PCDH15: variants seen among roughly 807,000 people sequenced by gnomAD.
The protein encoded by PCDH15 is protocadherin related 15, also known as protocadherin-15.
A neutral mutation model predicts 178.5 loss-of-function variants in PCDH15; 129 were observed. That is an observed-to-expected ratio of 0.72 (90% confidence interval 0.63 to 0.84). PCDH15 has a LOEUF of 0.84. Ranked by LOEUF, PCDH15 falls within the 40% of genes least tolerant of loss-of-function variation. The probability of loss-of-function intolerance (pLI) is 0.00; values close to 1 mark genes in which losing one functional copy is unlikely to be tolerated. For missense variants in PCDH15, 2,230 were observed against 2,099.9 expected (o/e 1.06, Z -1.21); for synonymous variants, 800 against 732.0 (o/e 1.09, Z -1.50).
At chr10:54,442,640 AAAG>A (rs1335313808) in intron 3 of PCDH15, among the ~76,000 whole-genome samples, 1 of 150,380 alleles carries the variant, frequency 6.6e-6, no homozygotes, top group African/African-American at 2.4e-5. Context: ...CATTTTAAGA[AAAG>A]AAATATTTAT....
intron 2 of PCDH15, among the ~76,000 whole-genome samples, chr10:55,535,385 T>G (rs1483301189): frequency 1.3e-5 from 2 of 152,062 alleles, no homozygotes; most frequent in Non-Finnish European, 2.9e-5. Context: ...AAGCCTCTAC[T>G]AGGGCAACAA....
intron 1 of PCDH15, among the ~76,000 whole-genome samples, chr10:55,258,596 G>C (rs1045749926): frequency 1.3e-5 from 2 of 152,024 alleles, no homozygotes; most frequent in African/African-American, 4.8e-5. Flanking sequence ...GACCCATATG[G>C]AAGATTCAGT....
chr10:54,312,736 TAA>T (rs1399117293), intron 8 of PCDH15, among the ~76,000 whole-genome samples: 2 of 152,078 alleles, frequency 1.3e-5, no homozygotes, highest in African/African-American at 4.8e-5. Flanking sequence ...AGCCCTCAGT[TAA>T]AGTGCCACAG....
chr10:54,239,287 A>T (rs756794399), intron 8 of PCDH15, among the ~76,000 whole-genome samples: 3 of 152,008 alleles, frequency 2.0e-5, no homozygotes, highest in African/African-American at 7.2e-5. Flanking sequence ...GAAATGAGCA[A>T]CATAATTTAT....
intron 2 of PCDH15, among the ~76,000 whole-genome samples, chr10:55,594,843 G>A (rs1018155667): frequency 2.6e-5 from 4 of 152,028 alleles, no homozygotes; most frequent in Admixed American, 2.6e-4. Context: ...CTGGTGATGT[G>A]ACAAGAAAGG....
At position 53,802,983 on chromosome 10, in the gene PCDH15, C is replaced by T. The variant is rs1018457062; in HGVS notation, c.*3596G>A. 4.0e-5 allele frequency: 6 copies of T among 151,422 alleles called. No individual in the cohort carries two copies. Among genetic ancestry groups the T allele is most frequent in the African/African-American group, 1.5e-4 (6 of 41,278 alleles). The allele number at this position is 151,422 out of a possible 1,614,324, so 9.4% of individuals were successfully genotyped here. ...ATCTTCCATACATGTGCTTAACTGA[C>T]CATAAATTTAAAGTAGATTGCAATG... On this transcript the variant is annotated 3_prime_UTR_variant, in exon 38 of 38. Coordinates refer to ENST00000644397, the MANE Select transcript of PCDH15 (RefSeq NM_001384140.1).
At chr10:53,828,757 A>G (rs982356390) in intron 30 of PCDH15, among the ~76,000 whole-genome samples, 184 bp from the exon 31 acceptor site, 1 of 152,200 alleles carries the variant, frequency 6.6e-6, no homozygotes, top group South Asian at 2.1e-4. Context: ...TAGTATCGTT[A>G]CCGTTAGAGT....
intron 27 of PCDH15, among the ~76,000 whole-genome samples, chr10:53,858,866 T>A (rs16937797): frequency 0.069 from 10,446 of 152,140 alleles, 607 homozygotes; most frequent in African/African-American, 0.15. Flanking sequence ...GGTCTTGAGT[T>A]AAAGAGGATA....
chr10:54,685,862 C>T (rs2094989050), intron 1 of PCDH15, among the ~76,000 whole-genome samples: 1 of 152,010 alleles, frequency 6.6e-6, no homozygotes. Context: ...AAAGTTTCCA[C>T]TGAATGCATA....
intron 3 of PCDH15, among the ~76,000 whole-genome samples, chr10:54,833,765 T>G: frequency 6.6e-6 from 1 of 152,188 alleles, no homozygotes; most frequent in East Asian, 1.9e-4. Context: ...GATATAAAAT[T>G]ATTCACAGTC....
intron 2 of PCDH15, among the ~76,000 whole-genome samples, chr10:55,553,208 TAAA>T (rs777507518): frequency 1.4e-5 from 2 of 138,378 alleles, no homozygotes; most frequent in Non-Finnish European, 1.6e-5. Context: ...GCTAGGTTAA[TAAA>T]AAAAAAAAAA....
intron 2 of PCDH15, among the ~76,000 whole-genome samples, chr10:54,990,334 A>C (rs1839470282): frequency 6.6e-6 from 1 of 152,238 alleles, no homozygotes; most frequent in African/African-American, 2.4e-5. Flanking sequence ...TTCAAAAAAT[A>C]GTGCTTTAAA....
At chr10:55,292,858 T>C (rs933406276) in intron 1 of PCDH15, among the ~76,000 whole-genome samples, 17 of 152,212 alleles carry the variant, frequency 1.1e-4, no homozygotes, top group African/African-American at 4.1e-4. Context: ...TGTCTGAAGC[T>C]TTTCCAGGCA....
At chr10:54,466,882 G>C (rs2077555637) in intron 3 of PCDH15, among the ~76,000 whole-genome samples, 1 of 151,714 alleles carries the variant, frequency 6.6e-6, no homozygotes, top group South Asian at 2.1e-4. Context: ...TCAGCTCTTT[G>C]GATTACTTTA....
At chr10:54,426,820 T>C (rs1956320738) in intron 3 of PCDH15, among the ~76,000 whole-genome samples, 1 of 152,110 alleles carries the variant, frequency 6.6e-6, no homozygotes, top group Non-Finnish European at 1.5e-5. Context: ...TCTTCAGTTA[T>C]CAAAATCTAT....
At chr10:55,118,027 A>T (rs1256463198) in intron 2 of PCDH15, among the ~76,000 whole-genome samples, 2 of 152,114 alleles carry the variant, frequency 1.3e-5, no homozygotes, top group Admixed American at 6.6e-5. Context: ...AAGAAGTTTG[A>T]TGTCTAAGTG....
chr10:55,286,960 A>G (rs377606506), intron 1 of PCDH15, among the ~76,000 whole-genome samples: 16 of 152,062 alleles, frequency 1.1e-4, no homozygotes, highest in East Asian at 7.7e-4. Context: ...ACTTTTATGA[A>G]TTAAAGCTAG....
At chr10:55,422,478 T>C (rs1206360685) in intron 2 of PCDH15, among the ~76,000 whole-genome samples, 1 of 151,908 alleles carries the variant, frequency 6.6e-6, no homozygotes, top group African/African-American at 2.4e-5. Context: ...TAGCCAAGGA[T>C]GACAAAGTAG....
chr10:54,938,631 GA>G (rs1159136901), intron 2 of PCDH15, among the ~76,000 whole-genome samples: 1 of 152,088 alleles, frequency 6.6e-6, no homozygotes, highest in African/African-American at 2.4e-5. Flanking sequence ...TAGACAGAAT[GA>G]TCATTCTGCA....
Sources: allele counts gnomAD v4.1 joint callset (sites outside exome capture counted in the v4.1 genomes callset), GRCh38; gene constraint gnomAD v4.1.1; transcripts MANE v1.5; gene names NCBI Gene and HGNC (gene_info 2026-07-23, HGNC 2026-07-21).